UNC13C: variants seen among roughly 807,000 people sequenced by gnomAD.
UNC13C encodes unc-13 homolog C.
Under a neutral mutation model 245.4 loss-of-function variants are expected in UNC13C, and 174 were observed. The observed-to-expected ratio is 0.71, with a 90% confidence interval of 0.63 to 0.80. The LOEUF (loss-of-function observed/expected upper bound fraction) is 0.80. Ranked by LOEUF, UNC13C falls within the 30% of genes least tolerant of loss-of-function variation. UNC13C has a pLI of 0.00. For missense variants in UNC13C, 2,829 were observed against 2,602.9 expected (o/e 1.09, Z -1.89); for synonymous variants, 992 against 895.1 (o/e 1.11, Z -1.93).
In UNC13C at chr15:54,013,812, A is replaced by G. The variant is rs1164301091; in HGVS notation, c.909A>G (p.Arg303=). 1.9e-6 allele frequency: 3 copies of G among 1,612,264 alleles called. No homozygotes were observed. The highest frequency in any genetic ancestry group is 2.5e-6 in the Non-Finnish European group (3 of 1,179,316). The change falls in exon 2 of 33, where the codon AGA becomes AGG. Residue 303 remains arginine (R), a synonymous_variant. Transcript: ENST00000260323. ...TGFVQSRRET[R]DIHDYIKHLG... ...TTGTCCAGTCTCGGAGGGAAACTAG[A>G]GACATCCATGATTATATTAAGCACT...
chr15:54,424,954 G>T (rs879476117), intron 19 of UNC13C, among the ~76,000 whole-genome samples: 1 of 151,716 alleles, frequency 6.6e-6, no homozygotes, highest in Non-Finnish European at 1.5e-5. Flanking sequence ...CATTGGAAGG[G>T]TTCTTTAAGA....
chr15:54,331,780 T>C (rs2038443381), intron 14 of UNC13C, among the ~76,000 whole-genome samples: 1 of 152,120 alleles, frequency 6.6e-6, no homozygotes, highest in Admixed American at 6.6e-5. Context: ...TGCAAGTCTC[T>C]AGATACTTTG....
intron 4 of UNC13C, among the ~76,000 whole-genome samples, chr15:54,206,248 A>G (rs1452510267): frequency 1.3e-5 from 2 of 152,018 alleles, no homozygotes; most frequent in African/African-American, 4.8e-5. Context: ...TCTTTGCACT[A>G]GTCACTTACA....
At chr15:54,516,328 C>T (rs979904459) in intron 24 of UNC13C, among the ~76,000 whole-genome samples, 15 of 152,144 alleles carry the variant, frequency 9.9e-5, no homozygotes, top group African/African-American at 3.4e-4. Flanking sequence ...AACTTCAGCA[C>T]GCATCAGAAC....
In UNC13C at chr15:54,558,973, TA is replaced by T. The variant is rs1308849768; in HGVS notation, c.5958+3462del. 4.0e-4 allele frequency among the ~76,000 whole-genome samples: 61 copies of T among 152,064 alleles called. 1 individual carries two copies. The highest frequency in any genetic ancestry group is 5.9e-5 in the Non-Finnish European group (4 of 67,950). On this transcript the variant is annotated intron_variant, in intron 29 of 32. Coordinates refer to ENST00000260323, the MANE Select transcript of UNC13C (RefSeq NM_001080534.3). ...AATGTAGATTTCTTTCAAAGAGAAATAGCAGTTACACTTTGACCTGAAAAAA... is the reference window on the plus strand; with the variant it reads ...AATGTAGATTTCTTTCAAAGAGAAATGCAGTTACACTTTGACCTGAAAAAA...
At chr15:54,417,138 A>AT (rs1282348067) in intron 19 of UNC13C, 4 of 351,078 alleles carry the variant, frequency 1.1e-5, no homozygotes, top group South Asian at 4.3e-5. Flanking sequence ...CCAAAATGTA[A>AT]TTTTTTTGTC....
At chr15:54,188,720 A>G (rs2034080313) in intron 4 of UNC13C, among the ~76,000 whole-genome samples, 1 of 152,198 alleles carries the variant, frequency 6.6e-6, no homozygotes, top group Non-Finnish European at 1.5e-5. Context: ...CTCTAAAAGT[A>G]CATGATCTCA....
the UNC13C span, among the ~76,000 whole-genome samples, chr15:53,870,346 C>T: frequency 6.6e-6 from 1 of 151,952 alleles, no homozygotes; most frequent in Non-Finnish European, 1.5e-5. Context: ...GGCTGATTGT[C>T]CCCTGATATG....
At chr15:54,036,487 C>T (rs969732775) in intron 2 of UNC13C, among the ~76,000 whole-genome samples, 2 of 152,246 alleles carry the variant, frequency 1.3e-5, no homozygotes, top group Admixed American at 6.5e-5. Context: ...GCTCAAAAGT[C>T]GTTCTGTCTC....
chr15:54,469,765 A>G (rs920341503), intron 19 of UNC13C, among the ~76,000 whole-genome samples: 5 of 151,446 alleles, frequency 3.3e-5, no homozygotes, highest in African/African-American at 1.2e-4. Flanking sequence ...TATAAAACCA[A>G]CAGTTATGAA....
intron 2 of UNC13C, among the ~76,000 whole-genome samples, chr15:54,047,913 A>C (rs191746705): frequency 3.3e-5 from 5 of 152,260 alleles, no homozygotes; most frequent in African/African-American, 9.6e-5. Context: ...TGGGCAAAAA[A>C]CTGAAATATA....
intron 2 of UNC13C, among the ~76,000 whole-genome samples, chr15:54,046,886 T>G (rs1946526): frequency 0.68 from 102,567 of 151,538 alleles, 34,656 homozygotes; most frequent in East Asian, 0.76. Context: ...ATGTTAAAAA[T>G]AAAAGATTTC....
chr15:53,956,124 A>G, the UNC13C span, among the ~76,000 whole-genome samples: 1 of 152,182 alleles, frequency 6.6e-6, no homozygotes, highest in East Asian at 1.9e-4. Context: ...GAGTTAAACA[A>G]TGGGTACTCA....
chr15:54,508,865 T>C (rs536495983), intron 23 of UNC13C, among the ~76,000 whole-genome samples: 7 of 152,224 alleles, frequency 4.6e-5, no homozygotes, highest in African/African-American at 1.7e-4. Flanking sequence ...CATCTGCAAA[T>C]TGAGCTAGAA....
the UNC13C span, among the ~76,000 whole-genome samples, chr15:53,940,245 G>A: frequency 6.6e-6 from 1 of 152,196 alleles, no homozygotes; most frequent in East Asian, 1.9e-4. Context: ...AGTTTTTGGG[G>A]TGGTTTGTCC....
chr15:54,270,480 A>G (rs2036658296), intron 10 of UNC13C, among the ~76,000 whole-genome samples: 2 of 152,182 alleles, frequency 1.3e-5, no homozygotes, highest in African/African-American at 4.8e-5. Context: ...GATACTATAT[A>G]TGAATTTCAT....
chr15:54,063,446 A>G (rs546419560), intron 2 of UNC13C, among the ~76,000 whole-genome samples: 2 of 152,156 alleles, frequency 1.3e-5, no homozygotes, highest in African/African-American at 2.4e-5. Flanking sequence ...GCCAATACCA[A>G]CTGTTTCCTT....
At chr15:54,124,511 C>G (rs924673248) in intron 2 of UNC13C, among the ~76,000 whole-genome samples, 1 of 152,032 alleles carries the variant, frequency 6.6e-6, no homozygotes, top group African/African-American at 2.4e-5. Flanking sequence ...TGAGAGAATT[C>G]TTTACATATT....
At chr15:54,592,879 T>C (rs1164829759) in intron 30 of UNC13C, among the ~76,000 whole-genome samples, 1 of 140,364 alleles carries the variant, frequency 7.1e-6, no homozygotes, top group South Asian at 2.3e-4. Context: ...TTTTTTTTTT[T>C]ACTTGTATTT....
Sources: gnomAD v4.1 joint callset for allele counts (sites outside exome capture counted in the v4.1 genomes callset) on GRCh38, gnomAD v4.1.1 for gene constraint, MANE v1.5 for transcripts, NCBI Gene and HGNC (gene_info 2026-07-23, HGNC 2026-07-21) for gene names.